The following SUSD4 variants were observed in gnomAD, a reference collection of about 807,000 sequenced individuals.
The protein encoded by SUSD4 is sushi domain-containing protein 4.
A neutral mutation model predicts 50.5 loss-of-function variants in SUSD4; 41 were observed. The ratio of observed to expected loss-of-function variants is 0.81; its 90% confidence interval spans 0.63 to 1.05. SUSD4 has a LOEUF of 1.05. Ranked by LOEUF, SUSD4 falls within the 50% of genes least tolerant of loss-of-function variation. The pLI is 0.00. For missense variants in SUSD4, 580 were observed against 634.7 expected, an observed-to-expected ratio of 0.91 and a Z score of 0.93; for synonymous variants, 257 against 257.3, an observed-to-expected ratio of 1.00 and a Z score of 0.01.
chr1:223,322,418 G>A (rs1269692949), intron 2 of SUSD4, among the ~76,000 whole-genome samples: 1 of 152,188 alleles, frequency 6.6e-6, no homozygotes, highest in Non-Finnish European at 1.5e-5. Flanking sequence ...TCAGTGTCAA[G>A]CATAGAGCAT....
In SUSD4 at chr1:223,363,331, A is replaced by G. The variant is rs1409985783; in HGVS notation, c.95T>C (p.Val32Ala). 3.1e-6 allele frequency: 5 copies of G among 1,610,726 alleles called. No homozygotes were observed. In the East Asian group the frequency reaches 6.7e-5, roughly 22 times the overall value. The change falls in exon 2 of 9, where the codon GTG becomes GCG. Residue 32 changes from valine to alanine, a missense_variant. By Grantham distance (64) the Val-to-Ala change is moderately conservative (BLOSUM62 0). Coordinates refer to ENST00000366878, the MANE Select transcript of SUSD4 (RefSeq NM_017982.4). ...CAGCGCCAGCTGAAACCACAGGATC[A>G]CGGCCAAGAGTCTCTGGGGGGACTG... ...QPQSPQRLLA[V>A]ILWFQLALCF... is the part of the protein sequence containing the mutation.
chr1:223,224,752 C>T (rs150808695), intron 7 of SUSD4, among the ~76,000 whole-genome samples: 2 of 152,216 alleles, frequency 1.3e-5, no homozygotes, highest in Non-Finnish European at 2.9e-5. Context: ...GATTGGAGCC[C>T]GGGGCGTCTG....
chr1:223,362,717 C>A (rs755788537), intron 2 of SUSD4, among the ~76,000 whole-genome samples: 3 of 152,186 alleles, frequency 2.0e-5, no homozygotes, highest in Non-Finnish European at 4.4e-5. Flanking sequence ...CTCCTCCACG[C>A]CCCCAACATA....
intron 2 of SUSD4, among the ~76,000 whole-genome samples, chr1:223,346,992 T>C (rs1266565154): frequency 6.6e-6 from 1 of 152,200 alleles, no homozygotes; most frequent in Non-Finnish European, 1.5e-5. Context: ...AAATATTTTT[T>C]TTCATTCAAC....
intron 2 of SUSD4, among the ~76,000 whole-genome samples, chr1:223,313,163 C>T (rs1713206): frequency 0.15 from 22,810 of 152,008 alleles, 2,045 homozygotes; most frequent in East Asian, 0.25. Context: ...TGGGGGCTGG[C>T]CATGCCAGAA....
At chr1:223,225,257 G>A (rs1277691317) in intron 7 of SUSD4, among the ~76,000 whole-genome samples, 1 of 152,108 alleles carries the variant, frequency 6.6e-6, no homozygotes, top group Non-Finnish European at 1.5e-5. Flanking sequence ...GACCCAGCTG[G>A]GTGGGCAGAC....
intron 3 of SUSD4, among the ~76,000 whole-genome samples, chr1:223,278,259 G>A (rs948023287): frequency 6.6e-5 from 10 of 152,144 alleles, no homozygotes; most frequent in African/African-American, 9.7e-5. Flanking sequence ...GCCAAAGCAG[G>A]GCGAGGCATC....
chr1:223,347,935 G>A (rs533859391), intron 2 of SUSD4, among the ~76,000 whole-genome samples: 1 of 152,130 alleles, frequency 6.6e-6, no homozygotes, highest in South Asian at 2.1e-4. Flanking sequence ...CCACTAACCA[G>A]TTGTGAAACC....
Position 223,223,604 on chromosome 1 carries a change from G to T in SUSD4, c.1089C>A (p.Asp363Glu), listed in dbSNP as rs762177922. Residue 363 changes from aspartate (D) to glutamate (E), a missense_variant, in exon 8 of 9, where the codon GAC (aspartate) becomes GAA (glutamate). Physicochemically the swap from Asp to Glu is conservative, Grantham distance 45 (BLOSUM62 2). Transcript: ENST00000366878. ...CGCCGTCTACCACCACAAAGTCAGG[G>T]TCACTGCTGGAACTCCGGGGAGGCC... ...PRGPPRSSSS[D>E]PDFVVVDGVP... 1 of 1,610,700 alleles carries T rather than the reference G, an allele frequency of 6.2e-7. No homozygotes were observed. Among genetic ancestry groups the T allele is most frequent in the Non-Finnish European group, 8.5e-7 (1 of 1,177,998 alleles).
chr1:223,228,358 T>G (rs896109356), intron 6 of SUSD4, among the ~76,000 whole-genome samples: 4 of 152,096 alleles, frequency 2.6e-5, no homozygotes, highest in Non-Finnish European at 4.4e-5. Context: ...TCTTTGCACT[T>G]CTCCCCCGGC....
chr1:223,358,203 C>T (rs1291097558), intron 2 of SUSD4, among the ~76,000 whole-genome samples: 2 of 152,138 alleles, frequency 1.3e-5, no homozygotes, highest in Non-Finnish European at 2.9e-5. Context: ...GACTGTATCC[C>T]CTTAACTGTG....
intron 5 of SUSD4, among the ~76,000 whole-genome samples, chr1:223,240,987 C>G (rs570437982): frequency 1.3e-5 from 2 of 152,236 alleles, no homozygotes; most frequent in East Asian, 3.9e-4. Context: ...TTTTAGTGAG[C>G]CTGAGCCTCT....
chr1:223,252,228 AAAAAAAAAATAT>A (rs1364362065), intron 5 of SUSD4, among the ~76,000 whole-genome samples: 9 of 111,260 alleles, frequency 8.1e-5, no homozygotes, highest in African/African-American at 1.4e-4. Flanking sequence ...TTAAAAAAAA[AAAAAAAAAATAT>A]ATATATATAT....
chr1:223,232,752 G>A (rs1361513114), intron 5 of SUSD4, among the ~76,000 whole-genome samples: 1 of 152,162 alleles, frequency 6.6e-6, no homozygotes, highest in African/African-American at 2.4e-5. Flanking sequence ...ATATAGGGCC[G>A]TGGGCTGTGG....
At chr1:223,324,703 A>C (rs1163967031) in intron 2 of SUSD4, among the ~76,000 whole-genome samples, 1 of 150,778 alleles carries the variant, frequency 6.6e-6, no homozygotes, top group Non-Finnish European at 1.5e-5. Flanking sequence ...AAACTTTCTT[A>C]GAGGGGCCTG....
intron 5 of SUSD4, among the ~76,000 whole-genome samples, chr1:223,243,250 C>G (rs983876421): frequency 3.3e-5 from 5 of 152,194 alleles, no homozygotes; most frequent in African/African-American, 4.8e-5. Context: ...CACATCTGCC[C>G]CACGGGTTTA....
Position 223,268,540 on chromosome 1 carries a change from C to T in SUSD4, c.497G>A (p.Arg166His), listed in dbSNP as rs200300933. The T allele has an allele frequency of 1.3e-4, 203 of 1,613,868 alleles. No individual in the cohort carries two copies. The highest frequency in any genetic ancestry group is 1.5e-4 in the Non-Finnish European group (179 of 1,179,928). ...PDLHNMVSLC[R>H]DDGTWNNLPI... ...CAGATTATTCCACGTTCCATCATCGCGACATAATGAAACCATATTGTGTAG... is the reference window on the plus strand; with the variant it reads ...CAGATTATTCCACGTTCCATCATCGTGACATAATGAAACCATATTGTGTAG... The change falls in exon 4 of 9, where the codon CGC becomes CAC. Residue 166 changes from arginine (R) to histidine (H), a missense_variant. By Grantham distance (29) the Arg-to-His change is conservative. Transcript: ENST00000366878.
chr1:223,300,554 G>C (rs1665121716), intron 2 of SUSD4, among the ~76,000 whole-genome samples: 1 of 152,052 alleles, frequency 6.6e-6, no homozygotes, highest in Non-Finnish European at 1.5e-5. Flanking sequence ...TCATATTCTA[G>C]AGAGGAAGAG....
At chr1:223,295,479 C>A (rs916777930) in intron 2 of SUSD4, among the ~76,000 whole-genome samples, 5 of 151,938 alleles carry the variant, frequency 3.3e-5, no homozygotes, top group African/African-American at 1.2e-4. Flanking sequence ...CACAGAAGGG[C>A]AAGATGAGTG....
Sources: gnomAD v4.1 joint callset for allele counts (sites outside exome capture counted in the v4.1 genomes callset) on GRCh38, gnomAD v4.1.1 for gene constraint, MANE v1.5 for transcripts, NCBI Gene and HGNC (gene_info 2026-07-23, HGNC 2026-07-21) for gene names.